The following ZNF610 variants were observed in gnomAD, a reference collection of about 807,000 sequenced individuals.
The protein encoded by ZNF610 is zinc finger protein 610.
Under a neutral mutation model 14.1 loss-of-function variants are expected in ZNF610, and 14 were observed. The ratio of observed to expected loss-of-function variants is 0.99; its 90% confidence interval spans 0.65 to 1.55. The LOEUF (loss-of-function observed/expected upper bound fraction) is 1.55. ZNF610 is among the 40% of genes most tolerant of loss of function. ZNF610 has a pLI of 0.00. For missense variants in ZNF610, 530 were observed against 558.0 expected, an observed-to-expected ratio of 0.95 and a Z score of 0.51; for synonymous variants, 185 against 187.6, an observed-to-expected ratio of 0.99 and a Z score of 0.11.
At chr19:52,364,412 C>G (rs1002231868) in intron 5 of ZNF610, among the ~76,000 whole-genome samples, 2 of 152,014 alleles carry the variant, frequency 1.3e-5, no homozygotes, top group Admixed American at 1.3e-4. Context: ...TGTCTGGGGT[C>G]CTTTTATTTC....
At chr19:52,358,458 A>T (rs1412232020) in intron 5 of ZNF610, among the ~76,000 whole-genome samples, 1 of 152,256 alleles carries the variant, frequency 6.6e-6, no homozygotes, top group Non-Finnish European at 1.5e-5. Flanking sequence ...CTGGGATTAT[A>T]GGCGTAAGCC....
chr19:52,345,590 G>C (rs1418998753), intron 1 of ZNF610: 1 of 152,132 alleles, frequency 6.6e-6, no homozygotes, highest in African/African-American at 2.4e-5. Flanking sequence ...AAAAATCCAG[G>C]AACTTTCACA....
chr19:52,367,444 T>C lies in ZNF610; in HGVS notation c.*677T>C, dbSNP rs963843094. 6.6e-5 allele frequency: 10 copies of C among 152,196 alleles called. No homozygotes were observed. The highest frequency in any genetic ancestry group is 2.4e-4 in the African/African-American group (10 of 41,458). 9.4% of individuals were successfully genotyped at this position (152,196 alleles called of 1,614,324 possible). ...CCGGCCTAGTTTAAATTTTTCTTAGTGTGAATGAATTACATCCTTTCTACC... is the reference window on the plus strand; with the variant it reads ...CCGGCCTAGTTTAAATTTTTCTTAGCGTGAATGAATTACATCCTTTCTACC... On this transcript the variant is annotated 3_prime_UTR_variant, in exon 6 of 6. Transcript: ENST00000403906.
intron 5 of ZNF610, among the ~76,000 whole-genome samples, chr19:52,358,154 T>A (rs2122261185): frequency 6.6e-6 from 1 of 152,278 alleles, no homozygotes; most frequent in South Asian, 2.1e-4. Flanking sequence ...ATAAAGAAAT[T>A]TCCATATTTT....
chr19:52,332,462 C>G (rs951343087), upstream of ZNF610, among the ~76,000 whole-genome samples: 1 of 152,128 alleles, frequency 6.6e-6, no homozygotes, highest in Admixed American at 6.5e-5. This position sits in a 1 kb window ranked among gnomAD's most constrained non-coding sequence, Gnocchi z 4.1. Context: ...CCATTATCAT[C>G]TTCTTATTCT....
intron 1 of ZNF610, among the ~76,000 whole-genome samples, chr19:52,342,259 G>A (rs1984721411): frequency 6.6e-6 from 1 of 151,982 alleles, no homozygotes; most frequent in East Asian, 1.9e-4. Context: ...ATAAAATAAA[G>A]GTTTTATTTT....
At chr19:52,342,457 T>A (rs1311082809) in intron 1 of ZNF610, among the ~76,000 whole-genome samples, 1 of 151,986 alleles carries the variant, frequency 6.6e-6, no homozygotes, top group African/African-American at 2.4e-5. Context: ...GCACAGCCGA[T>A]CACTCCCTCT....
intron 3 of ZNF610, among the ~76,000 whole-genome samples, chr19:52,350,513 A>T (rs1985199859): frequency 6.6e-6 from 1 of 152,096 alleles, no homozygotes; most frequent in Non-Finnish European, 1.5e-5. Context: ...CCCTGTCTCT[A>T]CTGAAAATAC....
At chr19:52,344,260 G>T in intron 1 of ZNF610, 1 of 152,570 alleles carries the variant, frequency 6.6e-6, no homozygotes, top group South Asian at 2.0e-4. Flanking sequence ...AGCTGCAGGT[G>T]ACAAACACCC....
At chr19:52,334,936 A>AACACACACACACACACACACACAC (rs559202600), upstream of ZNF610, among the ~76,000 whole-genome samples, 3,550 of 41,542 alleles carry the variant, frequency 0.085, 59 homozygotes, top group Middle Eastern at 0.18. Context: ...CTCAAAAACA[A>AACACACACACACACACACACACAC]ACACACACAC....
At chr19:52,363,122 A>G (rs1464855372) in intron 5 of ZNF610, among the ~76,000 whole-genome samples, 1 of 147,304 alleles carries the variant, frequency 6.8e-6, no homozygotes, top group South Asian at 2.1e-4. Context: ...CTTTGGTTCT[A>G]TCCCCTTTTT....
At chr19:52,355,132 T>G (rs895856977) in intron 5 of ZNF610, among the ~76,000 whole-genome samples, 2 of 152,184 alleles carry the variant, frequency 1.3e-5, no homozygotes, top group African/African-American at 4.8e-5. Flanking sequence ...GTTCCATGAT[T>G]CTGAAGAACA....
intron 3 of ZNF610, among the ~76,000 whole-genome samples, chr19:52,352,532 C>T (rs774433922): frequency 7.2e-5 from 11 of 152,152 alleles, no homozygotes; most frequent in Non-Finnish European, 1.5e-4. Context: ...GTCACCGCAC[C>T]GGGCCAAAAC....
Position 52,365,950 on chromosome 19 carries a change from A to C in ZNF610, c.572A>C (p.Gln191Pro). ...NDLIDFPLLP[Q>P]EEKAYIRGKS... The stretch of plus-strand genomic sequence containing the variant: ...CTTATTGATTTCCCATTACTCCCAC[A>C]AGAAGAGAAAGCATACATTAGAGGA... The change falls in exon 6 of 6, where the codon CAA becomes CCA. Residue 191 changes from glutamine (Q) to proline (P), a missense_variant. Physicochemically the swap from Gln to Pro is moderately conservative, Grantham distance 76 (BLOSUM62 -1). Coordinates refer to ENST00000403906, the MANE Select transcript of ZNF610 (RefSeq NM_001161425.2). 1 of 1,613,838 alleles carries C rather than the reference A, an allele frequency of 6.2e-7. No homozygotes were observed. Among genetic ancestry groups the C allele is most frequent in the Non-Finnish European group, 8.5e-7 (1 of 1,179,934 alleles).
Position 52,366,314 on chromosome 19 carries a change from A to G in ZNF610, c.936A>G (p.Gly312=). 6.2e-7 allele frequency: 1 copy of G among 1,614,124 alleles called. No homozygotes were observed. Among genetic ancestry groups the G allele is most frequent in the East Asian group, 2.2e-5 (1 of 44,890 alleles). Residue 312 remains glycine, a synonymous_variant, in exon 6 of 6, where the codon GGA becomes GGG. Transcript: ENST00000403906. ...GLTTHLVIHT[G]EKPYKCNECG... ...CTACCCATCTTGTAATCCATACTGG[A>G]GAGAAACCTTACAAATGTAATGAGT...
chr19:52,340,340 G>A (rs947090554), intron 1 of ZNF610, among the ~76,000 whole-genome samples: 3 of 152,116 alleles, frequency 2.0e-5, no homozygotes, highest in Non-Finnish European at 2.9e-5. Context: ...CTAAGACCGC[G>A]CCACTGCACT....
intron 5 of ZNF610, among the ~76,000 whole-genome samples, chr19:52,363,092 G>T: frequency 6.6e-6 from 1 of 151,274 alleles, no homozygotes; most frequent in East Asian, 1.9e-4. Context: ...CTCCAAAGCC[G>T]AGAGACAGAA....
At chr19:52,352,033 C>T (rs920504481) in intron 3 of ZNF610, among the ~76,000 whole-genome samples, 1 of 152,188 alleles carries the variant, frequency 6.6e-6, no homozygotes, top group South Asian at 2.1e-4. Flanking sequence ...TAATTTTTGT[C>T]TCCAGGGGGA....
Position 52,366,560 on chromosome 19 carries a change from T to C in ZNF610, c.1182T>C (p.His394=). The C allele has an allele frequency of 6.2e-7, 1 of 1,614,206 alleles. No individual in the cohort carries two copies. Among genetic ancestry groups the C allele is most frequent in the Non-Finnish European group, 8.5e-7 (1 of 1,180,038 alleles). ...RPGLMAHLLI[H]TGEKPYKCNE... is the part of the protein sequence containing the mutation. Reference sequence around the variant, plus strand: ...GCCTTATGGCCCATCTTCTAATCCATACTGGAGAGAAACCTTACAAATGTA... The same window carrying C: ...GCCTTATGGCCCATCTTCTAATCCACACTGGAGAGAAACCTTACAAATGTA... Residue 394 remains histidine, a synonymous_variant, in exon 6 of 6, where the codon CAT becomes CAC. Transcript: ENST00000403906.
Sources: gnomAD v4.1 joint callset for allele counts (sites outside exome capture counted in the v4.1 genomes callset) on GRCh38, gnomAD v4.1.1 for gene constraint, Gnocchi (gnomAD v3.1) non-coding constraint, MANE v1.5 for transcripts, NCBI Gene and HGNC (gene_info 2026-07-23, HGNC 2026-07-21) for gene names.